Variants in MAGI3 observed in about 807,000 individuals in gnomAD.
MAGI3 encodes the protein membrane associated guanylate kinase, WW and PDZ domain containing 3.
Under a neutral mutation model 121.8 loss-of-function variants are expected in MAGI3, and 43 were observed. The ratio of observed to expected loss-of-function variants is 0.35; its 90% CI spans 0.28 to 0.46. The LOEUF (loss-of-function observed/expected upper bound fraction) is 0.46. Among genes scored for constraint, MAGI3 ranks in the 20% least tolerant of loss-of-function variants. The probability of loss-of-function intolerance (pLI) is 1.00; values close to 1 mark genes in which losing one functional copy is unlikely to be tolerated. For missense variants in MAGI3, 1,547 were observed against 1,797.3 expected (o/e 0.86, Z 2.52); for synonymous variants, 553 against 639.3 (o/e 0.86, Z 2.04).
chr1:113,437,833 CT>C (rs1285348367), intron 1 of MAGI3, among the ~76,000 whole-genome samples: 39 of 19,996 alleles, frequency 2.0e-3, no homozygotes, highest in African/African-American at 5.0e-3. Flanking sequence ...TCTTCTTCTT[CT>C]TCTTCTTCTT....
chr1:113,484,760 C>G (rs906424135), intron 1 of MAGI3, among the ~76,000 whole-genome samples: 1 of 142,368 alleles, frequency 7.0e-6, no homozygotes, highest in East Asian at 2.2e-4. Context: ...GAGCCTTGCT[C>G]TCTCACCAGG....
chr1:113,438,887 A>G (rs941682844), intron 1 of MAGI3, among the ~76,000 whole-genome samples: 1 of 152,186 alleles, frequency 6.6e-6, no homozygotes, highest in Non-Finnish European at 1.5e-5. Flanking sequence ...TAGAATATTC[A>G]TTGTTACTGT....
chr1:113,421,620 A>C (rs900238853), intron 1 of MAGI3, among the ~76,000 whole-genome samples: 1 of 152,230 alleles, frequency 6.6e-6, no homozygotes. Flanking sequence ...ACCTTTCTTC[A>C]GTATTTTAAT....
At chr1:113,640,619 T>C (rs1652397864) in intron 9 of MAGI3, among the ~76,000 whole-genome samples, 1 of 151,830 alleles carries the variant, frequency 6.6e-6, no homozygotes, top group African/African-American at 2.4e-5. Context: ...CTCAGTAAAC[T>C]AACACAGAAA....
chr1:113,556,356 C>T (rs970050180), intron 2 of MAGI3, among the ~76,000 whole-genome samples: 1 of 151,980 alleles, frequency 6.6e-6, no homozygotes, highest in Non-Finnish European at 1.5e-5. Context: ...ATCCGGAGGC[C>T]GGGTGCAGTG....
intron 1 of MAGI3, among the ~76,000 whole-genome samples, chr1:113,475,380 T>TA (rs1655763238): frequency 1.3e-5 from 2 of 152,350 alleles, no homozygotes; most frequent in Admixed American, 1.3e-4. Context: ...GGGTTTGTTA[T>TA]AAATAGATCT....
intron 1 of MAGI3, among the ~76,000 whole-genome samples, chr1:113,415,074 A>T (rs1652228003): frequency 6.6e-6 from 1 of 152,096 alleles, no homozygotes; most frequent in African/African-American, 2.4e-5. Context: ...ATCTGAGGCA[A>T]ATCTTTGCAT....
At chr1:113,641,861 T>A (rs1652554853) in intron 9 of MAGI3, 50 bp from the exon 10 acceptor site, 7 of 1,498,584 alleles carry the variant, frequency 4.7e-6, no homozygotes, top group South Asian at 4.2e-5. Context: ...AGCAAAAAAA[T>A]TAACTTATTT....
At chr1:113,491,463 A>T (rs757421131) in intron 1 of MAGI3, among the ~76,000 whole-genome samples, 20 of 152,174 alleles carry the variant, frequency 1.3e-4, no homozygotes, top group Non-Finnish European at 8.8e-5. Context: ...CACAACTAAG[A>T]GAACTAGTGA....
At chr1:113,434,033 A>G (rs1653436794) in intron 1 of MAGI3, among the ~76,000 whole-genome samples, 1 of 152,268 alleles carries the variant, frequency 6.6e-6, no homozygotes, top group African/African-American at 2.4e-5. Context: ...CCTGTTACCA[A>G]TTAATTGCCT....
At chr1:113,480,839 T>C (rs2101562435) in intron 1 of MAGI3, among the ~76,000 whole-genome samples, 2 of 152,296 alleles carry the variant, frequency 1.3e-5, no homozygotes, top group Middle Eastern at 6.8e-3. Context: ...GCCATCTTAC[T>C]GATGGCACTC....
At chr1:113,424,728 T>A (rs1652910972) in intron 1 of MAGI3, among the ~76,000 whole-genome samples, 1 of 152,244 alleles carries the variant, frequency 6.6e-6, no homozygotes, top group Admixed American at 6.5e-5. Flanking sequence ...ATAAAGCTGG[T>A]ATGAGCATTC....
intron 1 of MAGI3, chr1:113,450,839 T>A: frequency 1.5e-6 from 1 of 669,086 alleles, no homozygotes; most frequent in South Asian, 1.7e-5. Context: ...TTAGAGGAAC[T>A]GTAAAAATCT....
At chr1:113,598,626 T>C (rs903126315) in intron 6 of MAGI3, among the ~76,000 whole-genome samples, 1 of 151,810 alleles carries the variant, frequency 6.6e-6, no homozygotes, top group Non-Finnish European at 1.5e-5. Context: ...AACAAGAAGA[T>C]ATTGCAATAC....
At position 113,615,377 on chromosome 1, in the gene MAGI3, C is replaced by G. The variant is rs150529817; in HGVS notation, c.1076+719C>G. Among the ~76,000 whole-genome samples the G allele has an allele frequency of 5.1e-3, 781 of 152,312 alleles. 4 individuals are homozygous for G. Among genetic ancestry groups the G allele is most frequent in the African/African-American group, 0.018 (754 of 41,580 alleles). Reference sequence around the variant, plus strand: ...AGCGTCTAGCAGCAGGCAAATACTTCTATCAGAAACATTACTATTTACCTG... The same window carrying G: ...AGCGTCTAGCAGCAGGCAAATACTTGTATCAGAAACATTACTATTTACCTG... On this transcript the variant is annotated intron_variant, in intron 7 of 20. Transcript: ENST00000307546.
intron 1 of MAGI3, among the ~76,000 whole-genome samples, chr1:113,406,278 GAAAAAA>G (rs764250269): frequency 1.3e-5 from 1 of 74,522 alleles, no homozygotes; most frequent in Non-Finnish European, 2.7e-5. Flanking sequence ...TTTGTCTACA[GAAAAAA>G]AAAAAAAAAA....
chr1:113,411,358 C>A (rs1038450404), intron 1 of MAGI3, among the ~76,000 whole-genome samples: 16 of 151,944 alleles, frequency 1.1e-4, no homozygotes, highest in African/African-American at 3.6e-4. Flanking sequence ...TGTTAAATTA[C>A]TGTTTTTAAG....
At chr1:113,468,415 C>T (rs1202493909) in intron 1 of MAGI3, among the ~76,000 whole-genome samples, 6 of 152,162 alleles carry the variant, frequency 3.9e-5, no homozygotes, top group African/African-American at 1.4e-4. Flanking sequence ...CATCTTATAA[C>T]AAGGTATTTT....
At chr1:113,416,337 T>G (rs1352449027) in intron 1 of MAGI3, among the ~76,000 whole-genome samples, 2 of 45,020 alleles carry the variant, frequency 4.4e-5, no homozygotes, top group African/African-American at 1.9e-4. Context: ...TATATATCAA[T>G]CATATATTAA....
Sources: allele counts gnomAD v4.1 joint callset (sites outside exome capture counted in the v4.1 genomes callset), GRCh38; gene constraint gnomAD v4.1.1; transcripts MANE v1.5; gene names NCBI Gene and HGNC (gene_info 2026-07-23, HGNC 2026-07-21).